ATP10D: variants seen among roughly 807,000 people sequenced by gnomAD.
ATP10D encodes the protein ATPase phospholipid transporting 10D (putative), also known as phospholipid-transporting ATPase VD.
In ATP10D, 89 loss-of-function variants were observed where a neutral mutation model predicts 144.8. The ratio of observed to expected loss-of-function variants is 0.61; its 90% CI spans 0.52 to 0.73. The LOEUF is 0.73. ATP10D is among the 30% of genes least tolerant of loss of function. The pLI, the probability that ATP10D is intolerant of heterozygous loss-of-function variation, is 0.00. For synonymous variants in ATP10D, 571 were observed against 615.1 expected (o/e 0.93, Z 1.06); for missense variants, 1,603 against 1,714.8 (o/e 0.93, Z 1.15).
At chr4:47,528,513 G>A (rs10034350) in intron 5 of ATP10D, among the ~76,000 whole-genome samples, 49,662 of 83,700 alleles carry the variant, frequency 0.59, 11,509 homozygotes, top group East Asian at 0.77. Flanking sequence ...GTGTGTGTGT[G>A]TATATATATA....
At chr4:47,512,257 CA>C (rs1338742811) in intron 1 of ATP10D, among the ~76,000 whole-genome samples, 2 of 152,070 alleles carry the variant, frequency 1.3e-5, no homozygotes, top group Non-Finnish European at 2.9e-5. Flanking sequence ...TTGTTTGCTT[CA>C]AGTTATGGAA....
At chr4:47,528,963 A>G (rs1717419439) in intron 5 of ATP10D, among the ~76,000 whole-genome samples, 1 of 151,860 alleles carries the variant, frequency 6.6e-6, no homozygotes, top group African/African-American at 2.4e-5. Flanking sequence ...TTCGTTTGAG[A>G]AATGTCTGTT....
At chr4:47,520,968 A>G (rs191604933) in intron 3 of ATP10D, among the ~76,000 whole-genome samples, 35 of 152,268 alleles carry the variant, frequency 2.3e-4, no homozygotes, top group Admixed American at 1.6e-3. Context: ...AGGCCACCAG[A>G]CCTAACAGCC....
intron 2 of ATP10D, among the ~76,000 whole-genome samples, chr4:47,514,242 C>G (rs1413167142): frequency 6.6e-6 from 1 of 152,104 alleles, no homozygotes; most frequent in African/African-American, 2.4e-5. Flanking sequence ...GTTTAAAGGA[C>G]AGATTTGAAT....
intron 5 of ATP10D, among the ~76,000 whole-genome samples, chr4:47,532,758 A>G (rs762604301): frequency 6.6e-6 from 1 of 152,182 alleles, no homozygotes; most frequent in African/African-American, 2.4e-5. Flanking sequence ...ACTACACTGT[A>G]TGCTGAATAT....
At chr4:47,548,653 A>T (rs1294875646) in intron 10 of ATP10D, among the ~76,000 whole-genome samples, 1 of 152,240 alleles carries the variant, frequency 6.6e-6, no homozygotes, top group African/African-American at 2.4e-5. Context: ...TTATACTCCA[A>T]TGTCATTGCT....
At position 47,557,971 on chromosome 4, in the gene ATP10D, C is replaced by A; in HGVS notation, c.2132C>A (p.Ser711Tyr). ...DAGLLNGKAE[S>Y]LPGQPLACNL... Reference sequence around the variant, plus strand: ...GGCCTCCTGAATGGCAAGGCAGAGTCCCTCCCTGGACAGCCATTGGCCTGC... The same window carrying A: ...GGCCTCCTGAATGGCAAGGCAGAGTACCTCCCTGGACAGCCATTGGCCTGC... The change falls in exon 12 of 23, where the codon TCC (serine) becomes TAC (tyrosine). Residue 711 changes from serine (S) to tyrosine (Y), a missense_variant. Transcript: ENST00000273859. 2 of 1,614,168 alleles carry A rather than the reference C, an allele frequency of 1.2e-6. No individual in the cohort carries two copies. The highest frequency in any genetic ancestry group is 1.7e-6 in the Non-Finnish European group (2 of 1,180,008).
intron 1 of ATP10D, among the ~76,000 whole-genome samples, chr4:47,506,523 C>A (rs6829033): frequency 0.48 from 73,338 of 151,998 alleles, 18,492 homozygotes; most frequent in East Asian, 0.79. Flanking sequence ...TAATATCTAG[C>A]ATCATGCAGG....
chr4:47,507,879 G>A (rs1347833882), intron 1 of ATP10D, among the ~76,000 whole-genome samples: 1 of 152,200 alleles, frequency 6.6e-6, no homozygotes, highest in African/African-American at 2.4e-5. Context: ...TCTCAAGGAT[G>A]AATAGAGGCT....
chr4:47,490,163 A>G lies in ATP10D; in HGVS notation c.-38+4644A>G, dbSNP rs191699473. ...TAAACTTTCATTTCCCCTTAATTAG[A>G]CTATAATAATATAGTTAGAAGGTTT... is the stretch of plus-strand genomic sequence containing the variant. On this transcript the variant is annotated intron_variant, in intron 1 of 22. Coordinates refer to ENST00000273859, the MANE Select transcript of ATP10D (RefSeq NM_020453.4). Among the ~76,000 whole-genome samples, 406 of 152,240 alleles carry G rather than the reference A, an allele frequency of 2.7e-3. 2 individuals carry two copies. Among genetic ancestry groups the G allele is most frequent in the African/African-American group, 9.4e-3 (391 of 41,502 alleles).
At position 47,557,836 on chromosome 4, in the gene ATP10D, T is replaced by G; in HGVS notation, c.1997T>G (p.Met666Arg). The change falls in exon 12 of 23, where the codon ATG becomes AGG. Residue 666 changes from methionine to arginine, a missense_variant. Coordinates refer to ENST00000273859, the MANE Select transcript of ATP10D (RefSeq NM_020453.4). The part of the protein sequence containing the change: ...FVSRLPLFSR[M>R]KPASPVEEEV... ...AGCAGACTCCCTCTCTTTAGTCGAA[T>G]GAAACCAGCTTCACCTGTGGAGGAA... 2 of 1,614,216 alleles carry G rather than the reference T, an allele frequency of 1.2e-6. No individual in the cohort carries two copies. The highest frequency in any genetic ancestry group is 1.7e-6 in the Non-Finnish European group (2 of 1,180,036).
chr4:47,489,157 G>T (rs74793288), intron 1 of ATP10D, among the ~76,000 whole-genome samples: 3,699 of 152,230 alleles, frequency 0.024, 68 homozygotes, highest in South Asian at 0.089. Context: ...AATTTTAATT[G>T]TCTAAGGTTA....
At chr4:47,512,406 G>A (rs73237074) in intron 1 of ATP10D, 98 bp from the exon 2 acceptor site, 115,120 of 743,374 alleles carry the variant, frequency 0.15, 10,479 homozygotes, top group South Asian at 0.23. Flanking sequence ...TGAACCATTG[G>A]GTCATATATT....
Position 47,536,045 on chromosome 4 carries a change from T to C in ATP10D, c.1015+12T>C. 2 of 1,597,452 alleles carry C rather than the reference T, an allele frequency of 1.3e-6. No individual in the cohort carries two copies. The highest frequency in any genetic ancestry group is 1.1e-5 in the South Asian group (1 of 87,492). Reference sequence around the variant, plus strand: ...AACTGGCGCAGTAGGTAGGTAAAATTTGATTATTTGCTGACATCTTTTCAG... The same window carrying C: ...AACTGGCGCAGTAGGTAGGTAAAATCTGATTATTTGCTGACATCTTTTCAG... On this transcript the variant is annotated intron_variant, in intron 7 of 22. Transcript: ENST00000273859.
At position 47,592,458 on chromosome 4, in the gene ATP10D, A is replaced by C. The variant is rs1316702423; in HGVS notation, c.*1077A>C. The stretch of plus-strand genomic sequence containing the variant: ...TTTGAGGACAGGAATGTCTATAGCA[A>C]GTTTACTCCTATTGCGAATCATGTA... On this transcript the variant is annotated 3_prime_UTR_variant, in exon 23 of 23. Transcript: ENST00000273859. 1 of 152,596 alleles carries C rather than the reference A, an allele frequency of 6.6e-6. No individual in the cohort carries two copies. Among genetic ancestry groups the C allele is most frequent in the Non-Finnish European group, 1.5e-5 (1 of 68,008 alleles). 9.5% of individuals were successfully genotyped at this position (152,596 alleles called of 1,614,324 possible).
chr4:47,587,816 A>T (rs1203066158), intron 22 of ATP10D, among the ~76,000 whole-genome samples: 1 of 152,162 alleles, frequency 6.6e-6, no homozygotes, highest in Non-Finnish European at 1.5e-5. Context: ...AACAGCCGCT[A>T]AATTTCAACA....
chr4:47,514,560 C>T (rs1716528838), intron 2 of ATP10D, among the ~76,000 whole-genome samples: 3 of 152,106 alleles, frequency 2.0e-5, no homozygotes, highest in South Asian at 2.1e-4. Flanking sequence ...TTTTGTTTCT[C>T]CTTTAAGGAA....
At chr4:47,512,911 A>G in intron 2 of ATP10D, 81 bp downstream of exon 2, 2 of 1,321,436 alleles carry the variant, frequency 1.5e-6, no homozygotes, top group Non-Finnish European at 2.1e-6. Context: ...ATAACCCTGT[A>G]TATTACTTAA....
intron 10 of ATP10D, 62 bp from the exon 11 acceptor site, chr4:47,554,664 T>A: frequency 7.5e-7 from 1 of 1,338,580 alleles, no homozygotes; most frequent in Non-Finnish European, 1.0e-6. Flanking sequence ...ATTTCTCATG[T>A]TGATTTAAAA....
Sources: allele counts gnomAD v4.1 joint callset (sites outside exome capture counted in the v4.1 genomes callset), GRCh38; gene constraint gnomAD v4.1.1; transcripts MANE v1.5; gene names NCBI Gene and HGNC (gene_info 2026-07-23, HGNC 2026-07-21).